Variants in ABCA6 observed in about 807,000 individuals in gnomAD.
The protein encoded by ABCA6 is ATP-binding cassette sub-family A member 6.
A neutral mutation model predicts 191.2 loss-of-function variants in ABCA6; 164 were observed. That is an observed-to-expected ratio of 0.86 (90% CI 0.76 to 0.98). The LOEUF is 0.98. Ranked by LOEUF, ABCA6 falls within the 50% of genes least tolerant of loss-of-function variation. The pLI, the probability that ABCA6 is intolerant of heterozygous loss-of-function variation, is 0.00. For synonymous variants in ABCA6, 636 were observed against 647.7 expected (o/e 0.98, Z 0.27); for missense variants, 1,958 against 1,894.1 (o/e 1.03, Z -0.63).
intron 7 of ABCA6, 150 bp downstream of exon 7, chr17:69,129,460 A>T: frequency 1.7e-6 from 1 of 598,684 alleles, no homozygotes; most frequent in African/African-American, 1.9e-5. Flanking sequence ...CACTCCATAG[A>T]AACTATTTCA....
At chr17:69,086,110 C>G (rs1023660207) in intron 30 of ABCA6, among the ~76,000 whole-genome samples, 1 of 152,104 alleles carries the variant, frequency 6.6e-6, no homozygotes, top group African/African-American at 2.4e-5. Flanking sequence ...ATCTTTCATC[C>G]CAACTGATAT....
At chr17:69,101,547 G>A (rs1455013206) in intron 21 of ABCA6, among the ~76,000 whole-genome samples, 1 of 148,774 alleles carries the variant, frequency 6.7e-6, no homozygotes, top group Non-Finnish European at 1.5e-5. Context: ...AGTGAGCTGC[G>A]ATCACACCAC....
chr17:69,098,702 T>C (rs1435243239), intron 22 of ABCA6: 1 of 148,980 alleles, frequency 6.7e-6, no homozygotes, highest in Non-Finnish European at 1.5e-5. Flanking sequence ...ATATGCTAAG[T>C]GAAATAAACC....
chr17:69,088,538 C>A (rs891540909), intron 27 of ABCA6, among the ~76,000 whole-genome samples: 2 of 152,158 alleles, frequency 1.3e-5, no homozygotes, highest in African/African-American at 4.8e-5. Context: ...ATACTCCCAC[C>A]CAGGCCTAGG....
chr17:69,088,224 A>G lies in ABCA6; in HGVS notation c.3641T>C (p.Leu1214Pro). The G allele has an allele frequency of 6.2e-7, 1 of 1,612,620 alleles. No homozygotes were observed. Among genetic ancestry groups the G allele is most frequent in the Non-Finnish European group, 8.5e-7 (1 of 1,179,270 alleles). ...YFQTLLFVFV[L>P]RCMELKCGKK... ...TCCACATTTTAGTTCCATGCATCTT[A>G]GAACAAAAACGAATAGCAAAGTCTG... The change falls in exon 28 of 39, where the codon CTA becomes CCA. Residue 1214 changes from leucine (L) to proline (P), a missense_variant. Coordinates refer to ENST00000284425, the MANE Select transcript of ABCA6 (RefSeq NM_080284.3).
At chr17:69,084,542 A>T (rs766646980) in intron 32 of ABCA6, 35 bp from the exon 33 acceptor site, 1 of 1,607,978 alleles carries the variant, frequency 6.2e-7, no homozygotes, top group Admixed American at 1.7e-5. Context: ...TCTGGTCAAG[A>T]CAAGGTTTTT....
chr17:69,136,096 G>C lies in ABCA6; in HGVS notation c.456C>G (p.Phe152Leu). 2 of 1,609,504 alleles carry C rather than the reference G, an allele frequency of 1.2e-6. No homozygotes were observed. Among genetic ancestry groups the C allele is most frequent in the Non-Finnish European group, 1.7e-6 (2 of 1,177,350 alleles). Residue 152 changes from phenylalanine to leucine, a missense_variant, in exon 4 of 39, where the codon TTC (phenylalanine) becomes TTG (leucine). Physicochemically the swap from Phe to Leu is conservative, Grantham distance 22 (BLOSUM62 0). Coordinates refer to ENST00000284425, the MANE Select transcript of ABCA6 (RefSeq NM_080284.3). ...ATATTTGATATGGAAAGTCACCTGA[G>C]AAATCTTCTTTCCAAAGTGGACTGT... ...GYNSPLWKED[F>L]SAHCWDGYGE...
intron 12 of ABCA6, 25 bp downstream of exon 12, chr17:69,115,351 C>A: frequency 6.4e-7 from 1 of 1,564,614 alleles, no homozygotes; most frequent in Non-Finnish European, 8.7e-7. Context: ...GACATCTTGC[C>A]TTTGAGAAAT....
At chr17:69,081,529 CT>C (rs909842724) in intron 36 of ABCA6, among the ~76,000 whole-genome samples, 4 of 151,754 alleles carry the variant, frequency 2.6e-5, no homozygotes, top group African/African-American at 9.7e-5. Flanking sequence ...TGAATTTTTT[CT>C]TTATTTCTTA....
At position 69,128,782 on chromosome 17, in the gene ABCA6, C is replaced by T. The variant is rs754567769; in HGVS notation, c.956G>A (p.Ser319Asn). The T allele has an allele frequency of 4.4e-6, 7 of 1,602,432 alleles. No homozygotes were observed. Among genetic ancestry groups the T allele is most frequent in the Non-Finnish European group, 5.1e-6 (6 of 1,174,060 alleles). The change falls in exon 8 of 39, where the codon AGT becomes AAT. Residue 319 changes from serine (S) to asparagine (N), a missense_variant. Physicochemically the swap from Ser to Asn is conservative, Grantham distance 46. Transcript: ENST00000284425. ...LSLVALVFLMSVLLKKAVLTN... is the reference protein window; with the variant it reads ...LSLVALVFLMNVLLKKAVLTN... ...GAGGACAGCTTTCTTTAACAGCACA[C>T]TCATCAGGAACACCAAAGCTACCTG...
In ABCA6 at chr17:69,126,499, T is replaced by C. The variant is rs1030734347; in HGVS notation, c.1120-1464A>G. Among the ~76,000 whole-genome samples the C allele has an allele frequency of 4.0e-5, 6 of 151,774 alleles. No individual in the cohort carries two copies. The South Asian group carries it at 1.0e-3, about 26-fold the overall frequency. On this transcript the variant is annotated intron_variant, in intron 8 of 38. Transcript: ENST00000284425. ...ACCAACTCTCTACAACAATTAAAAA[T>C]TAGCCAGGTGTGGTGGTGTATGTCT...
intron 21 of ABCA6, 92 bp from the exon 22 acceptor site, chr17:69,101,026 G>T: frequency 9.3e-7 from 1 of 1,078,436 alleles, no homozygotes; most frequent in Non-Finnish European, 1.3e-6. Flanking sequence ...AGTGCCACAT[G>T]CTTGTTGTGT....
chr17:69,139,702 G>A (rs2073999589), intron 2 of ABCA6, among the ~76,000 whole-genome samples: 1 of 152,078 alleles, frequency 6.6e-6, no homozygotes, highest in Non-Finnish European at 1.5e-5. Flanking sequence ...CAACCCAAAT[G>A]TCCGACAATG....
chr17:69,096,011 G>A (rs554839781), intron 25 of ABCA6, among the ~76,000 whole-genome samples: 15 of 152,288 alleles, frequency 9.8e-5, no homozygotes, highest in African/African-American at 2.2e-4. Flanking sequence ...CGTTTCAGAC[G>A]TCAGGTCTTC....
At chr17:69,134,888 C>CATTTTTTTTTTT in intron 4 of ABCA6, 146 bp from the exon 5 acceptor site, 1 of 310,944 alleles carries the variant, frequency 3.2e-6, no homozygotes, top group Non-Finnish European at 5.5e-6. Flanking sequence ...TTGTGGTTGT[C>CATTTTTTTTTTT]TTTTTTTTTT....
intron 2 of ABCA6, among the ~76,000 whole-genome samples, chr17:69,140,246 G>A (rs1052092560): frequency 2.0e-5 from 3 of 152,074 alleles, no homozygotes; most frequent in Admixed American, 1.3e-4. Context: ...AACAATTTTT[G>A]TGTAGAAAAT....
chr17:69,096,425 T>C, intron 24 of ABCA6, 72 bp from the exon 25 acceptor site: 2 of 964,922 alleles, frequency 2.1e-6, no homozygotes, highest in Non-Finnish European at 2.9e-6. Context: ...ATTACAACTT[T>C]TAAAAAACAA....
chr17:69,087,226 C>A (rs988112133), intron 29 of ABCA6, 127 bp downstream of exon 29: 16 of 1,219,676 alleles, frequency 1.3e-5, no homozygotes, highest in Non-Finnish European at 1.8e-5. Flanking sequence ...TTTGGAGTGT[C>A]CTGGACGCAT....
At chr17:69,103,446 T>C (rs1278902689) in intron 20 of ABCA6, among the ~76,000 whole-genome samples, 1 of 152,168 alleles carries the variant, frequency 6.6e-6, no homozygotes, top group Non-Finnish European at 1.5e-5. Flanking sequence ...TTTACGTACA[T>C]ATTCCATACA....
Sources: gnomAD v4.1 joint callset for allele counts (sites outside exome capture counted in the v4.1 genomes callset) on GRCh38, gnomAD v4.1.1 for gene constraint, MANE v1.5 for transcripts, NCBI Gene and HGNC (gene_info 2026-07-23, HGNC 2026-07-21) for gene names.